Variants in PRKN observed in about 807,000 individuals in gnomAD.
PRKN encodes E3 ubiquitin-protein ligase parkin.
PRKN carries 56 observed loss-of-function variants against 59.5 expected under a neutral mutation model. The observed-to-expected ratio is 0.94, with a 90% CI of 0.76 to 1.18. PRKN has a LOEUF of 1.18. Among genes scored for constraint, PRKN ranks in the 50% most tolerant of loss-of-function variants. The pLI is 0.00. For missense variants in PRKN, 657 were observed against 596.4 expected, an observed-to-expected ratio of 1.10 and a Z score of -1.06; for synonymous variants, 250 against 222.1, an observed-to-expected ratio of 1.13 and a Z score of -1.12.
chr6:161,522,591 G>A (rs541402550), intron 9 of PRKN, among the ~76,000 whole-genome samples: 12 of 152,358 alleles, frequency 7.9e-5, no homozygotes, highest in Middle Eastern at 3.4e-3. Context: ...CAGCTAGAAT[G>A]CCCTACAGGG....
chr6:162,093,733 C>T (rs541740627), intron 4 of PRKN, among the ~76,000 whole-genome samples: 59 of 152,170 alleles, frequency 3.9e-4, no homozygotes, highest in African/African-American at 1.3e-3. Flanking sequence ...TAAGCAGCAC[C>T]GCAGGCATTT....
Position 161,588,411 on chromosome 6 carries a change from G to T in PRKN, c.872-18995C>A, listed in dbSNP as rs1252266759. On this transcript the variant is annotated intron_variant, in intron 7 of 11. Transcript: ENST00000366898. This position sits in a 1 kb window ranked among gnomAD's most constrained non-coding sequence, Gnocchi z 5.0. ...CAAAAAAAAAAAATTTACTCTATGG[G>T]TATCAATAATCAATGTGTTATTCTA... 6.6e-6 allele frequency among the ~76,000 whole-genome samples: 1 copy of T among 151,900 alleles called. No homozygotes were observed. The highest frequency in any genetic ancestry group is 1.5e-5 in the Non-Finnish European group (1 of 68,006).
At chr6:162,377,471 T>C (rs1351946594) in intron 2 of PRKN, among the ~76,000 whole-genome samples, 2 of 152,208 alleles carry the variant, frequency 1.3e-5, no homozygotes, top group African/African-American at 4.8e-5. Flanking sequence ...CCACTCCTTT[T>C]GTCTCTTTCT....
At position 161,359,625 on chromosome 6, in the gene PRKN, G is replaced by A. The variant is rs548911860; in HGVS notation, c.1285+463C>T. 2.4e-4 allele frequency among the ~76,000 whole-genome samples: 37 copies of A among 152,342 alleles called. No homozygotes were observed. Among genetic ancestry groups the A allele is most frequent in the East Asian group, 1.2e-3 (6 of 5,184 alleles). ...TGGTACTGTGAGTCATCAGGGGCAGGCCACAGGGATCTTTAAATATAGACG... is the reference window on the plus strand; with the variant it reads ...TGGTACTGTGAGTCATCAGGGGCAGACCACAGGGATCTTTAAATATAGACG... On this transcript the variant is annotated intron_variant, in intron 11 of 11. Coordinates refer to ENST00000366898, the MANE Select transcript of PRKN (RefSeq NM_004562.3). The surrounding 1 kb of genome is among the most constrained non-coding windows in gnomAD (Gnocchi z 5.4).
intron 7 of PRKN, among the ~76,000 whole-genome samples, chr6:161,780,398 C>T (rs1790154295): frequency 6.6e-6 from 1 of 152,144 alleles, no homozygotes; most frequent in Admixed American, 6.5e-5. Context: ...ATCTCATACC[C>T]TAGCCTGTAT....
At chr6:161,382,533 G>C (rs1786042539) in intron 10 of PRKN, among the ~76,000 whole-genome samples, 1 of 152,224 alleles carries the variant, frequency 6.6e-6, no homozygotes, top group African/African-American at 2.4e-5. Flanking sequence ...CCTAGAACCA[G>C]TTTATGTGGC....
chr6:162,059,163 C>T (rs1204872496), intron 4 of PRKN, among the ~76,000 whole-genome samples: 2 of 152,124 alleles, frequency 1.3e-5, no homozygotes, highest in Admixed American at 6.5e-5. Context: ...GAACAATTCC[C>T]GTAATTGCCA....
chr6:161,897,823 C>T (rs567159283), intron 6 of PRKN, among the ~76,000 whole-genome samples: 3,549 of 134,856 alleles, frequency 0.026, 152 homozygotes, highest in African/African-American at 0.099. Context: ...CAAAAAGTTC[C>T]GGGCGTAGTG....
rs192057372 is a variant in PRKN, at chr6:162,246,362, G to T, written c.412+16163C>A. On this transcript the variant is annotated intron_variant, in intron 3 of 11. Transcript: ENST00000366898. ...TACACCAAAGAGACATGCCTAGAAAGAAAGCAAACCTACAACACCTTGATC... is the reference window on the plus strand; with the variant it reads ...TACACCAAAGAGACATGCCTAGAAATAAAGCAAACCTACAACACCTTGATC... Among the ~76,000 whole-genome samples the T allele has an allele frequency of 2.3e-3, 345 of 152,200 alleles. 1 individual carries two copies. The highest frequency in any genetic ancestry group is 8.0e-3 in the African/African-American group (331 of 41,534).
At chr6:162,089,372 C>T (rs1043401199) in intron 4 of PRKN, among the ~76,000 whole-genome samples, 48 of 151,660 alleles carry the variant, frequency 3.2e-4, no homozygotes, top group African/African-American at 1.1e-3. Context: ...ACAAATATTG[C>T]TAAAATTTAA....
rs563260323 is a variant in PRKN, at chr6:161,457,366, G to C, written c.1084-70489C>G. Among the ~76,000 whole-genome samples the C allele has an allele frequency of 1.1e-3, 172 of 152,214 alleles. 1 individual carries two copies. Among genetic ancestry groups the C allele is most frequent in the Non-Finnish European group, 1.6e-3 (112 of 68,018 alleles). On this transcript the variant is annotated intron_variant, in intron 9 of 11. Coordinates refer to ENST00000366898, the MANE Select transcript of PRKN (RefSeq NM_004562.3). This position sits in a 1 kb window ranked among gnomAD's most constrained non-coding sequence, Gnocchi z 5.0. ...TCTGAATGCATCCCTACTGAATAGAGAACTCTAGTAATTTCTACTGAAAAC... is the reference window on the plus strand; with the variant it reads ...TCTGAATGCATCCCTACTGAATAGACAACTCTAGTAATTTCTACTGAAAAC...
chr6:162,721,038 A>G (rs1778923976), intron 1 of PRKN, among the ~76,000 whole-genome samples: 2 of 152,252 alleles, frequency 1.3e-5, no homozygotes, highest in Non-Finnish European at 2.9e-5. Flanking sequence ...TTTTAAAAAG[A>G]AATATGGCCT....
rs113262555 is a variant in PRKN, at chr6:161,560,978, C to T, written c.933+8377G>A. On this transcript the variant is annotated intron_variant, in intron 8 of 11. Transcript: ENST00000366898. The surrounding 1 kb of genome is among the most constrained non-coding windows in gnomAD (Gnocchi z 4.9). The stretch of plus-strand genomic sequence containing the variant: ...AAACATCACCTCCACCTTCCCTGGG[C>T]GTGTAGCCCTGCAGCTGGACACAAT... Among the ~76,000 whole-genome samples the T allele has an allele frequency of 3.3e-5, 5 of 152,264 alleles. No individual in the cohort carries two copies. Among genetic ancestry groups the T allele is most frequent in the East Asian group, 1.9e-4 (1 of 5,174 alleles).
In PRKN at chr6:161,414,165, G is replaced by T. The variant is rs1315051374; in HGVS notation, c.1084-27288C>A. Among the ~76,000 whole-genome samples, 1 of 152,182 alleles carries T rather than the reference G, an allele frequency of 6.6e-6. No homozygotes were observed. Among genetic ancestry groups the T allele is most frequent in the African/African-American group, 2.4e-5 (1 of 41,438 alleles). On this transcript the variant is annotated intron_variant, in intron 9 of 11. Transcript: ENST00000366898. This position sits in a 1 kb window ranked among gnomAD's most constrained non-coding sequence, Gnocchi z 5.3. Reference sequence around the variant, plus strand: ...TGGAGCACAAACTCTCAACAAGGTGGAAACTCGACACTATGCTCTCAATCT... The same window carrying T: ...TGGAGCACAAACTCTCAACAAGGTGTAAACTCGACACTATGCTCTCAATCT...
Position 162,095,055 on chromosome 6 carries a change from A to C in PRKN, c.535-40881T>G, listed in dbSNP as rs148271895. On this transcript the variant is annotated intron_variant, in intron 4 of 11. Coordinates refer to ENST00000366898, the MANE Select transcript of PRKN (RefSeq NM_004562.3). ...GGTGGACAGACTGACACTATGAAGA[A>C]AAACAAAGAAGGCTGAAGATGGCTG... 3.3e-4 allele frequency among the ~76,000 whole-genome samples: 51 copies of C among 152,280 alleles called. No individual in the cohort carries two copies. In the East Asian group the frequency reaches 8.5e-3, roughly 25 times the overall value.
At chr6:162,226,339 C>A (rs1156652612) in intron 3 of PRKN, among the ~76,000 whole-genome samples, 1 of 152,126 alleles carries the variant, frequency 6.6e-6, no homozygotes, top group Non-Finnish European at 1.5e-5. Flanking sequence ...CTGCGCTGCA[C>A]CCCTTCCTGG....
intron 7 of PRKN, among the ~76,000 whole-genome samples, chr6:161,778,735 C>T (rs1228624346): frequency 6.6e-6 from 1 of 152,072 alleles, no homozygotes; most frequent in African/African-American, 2.4e-5. Context: ...TTCCACAGCA[C>T]CAGGAGTGCA....
intron 6 of PRKN, among the ~76,000 whole-genome samples, chr6:161,786,910 A>AG (rs1790443549): frequency 4.2e-5 from 2 of 47,076 alleles, no homozygotes; most frequent in South Asian, 1.9e-3. Context: ...AATACTCTGT[A>AG]GAAAAAAAAA....
Position 161,391,322 on chromosome 6 carries a change from C to T in PRKN, c.1084-4445G>A, listed in dbSNP as rs1786494731. 6.6e-6 allele frequency among the ~76,000 whole-genome samples: 1 copy of T among 152,072 alleles called. No individual in the cohort carries two copies. Among genetic ancestry groups the T allele is most frequent in the African/African-American group, 2.4e-5 (1 of 41,368 alleles). On this transcript the variant is annotated intron_variant, in intron 9 of 11. Coordinates refer to ENST00000366898, the MANE Select transcript of PRKN (RefSeq NM_004562.3). This position sits in a 1 kb window ranked among gnomAD's most constrained non-coding sequence, Gnocchi z 4.9. ...TCCAAACCTTATGAGTCAACATTAA[C>T]CGAATGGAAGTTAGTATACCAGGAA...
Sources: gnomAD v4.1 joint callset for allele counts (sites outside exome capture counted in the v4.1 genomes callset) on GRCh38, gnomAD v4.1.1 for gene constraint, Gnocchi (gnomAD v3.1) non-coding constraint, MANE v1.5 for transcripts, NCBI Gene and HGNC (gene_info 2026-07-23, HGNC 2026-07-21) for gene names.